Variants in MAP4K3 observed in about 807,000 individuals in gnomAD.
MAP4K3 encodes the protein MAPK/ERK kinase kinase kinase 3.
In MAP4K3, 94 loss-of-function variants were observed where a neutral mutation model predicts 143.5. That is an observed-to-expected ratio of 0.65 (90% CI 0.55 to 0.78). The LOEUF (loss-of-function observed/expected upper bound fraction) is 0.78. Among genes scored for constraint, MAP4K3 ranks in the 30% least tolerant of loss-of-function variants. MAP4K3 has a pLI of 0.00. For synonymous variants in MAP4K3, 416 were observed against 347.2 expected (o/e 1.20, Z -2.20); for missense variants, 1,077 against 1,068.1 (o/e 1.01, Z -0.12).
chr2:39,352,971 A>C (rs984453579), intron 3 of MAP4K3, among the ~76,000 whole-genome samples: 1 of 152,212 alleles, frequency 6.6e-6, no homozygotes, highest in African/African-American at 2.4e-5. Context: ...ATCAAGTTCA[A>C]ACAAGATCCT....
intron 3 of MAP4K3, among the ~76,000 whole-genome samples, chr2:39,346,510 C>T (rs1473586175): frequency 3.9e-5 from 6 of 152,136 alleles, no homozygotes; most frequent in East Asian, 1.9e-4. Flanking sequence ...TAAAATGCTT[C>T]GGCAAAGAAA....
chr2:39,379,053 G>T (rs370761428), intron 1 of MAP4K3, among the ~76,000 whole-genome samples: 59 of 152,004 alleles, frequency 3.9e-4, no homozygotes, highest in African/African-American at 1.3e-3. Flanking sequence ...AACAATACAT[G>T]CCATTCCCTG....
intron 1 of MAP4K3, among the ~76,000 whole-genome samples, chr2:39,389,868 G>C (rs182928744): frequency 4.2e-4 from 64 of 152,222 alleles, no homozygotes; most frequent in Middle Eastern, 3.4e-3. Flanking sequence ...AAACATTGAT[G>C]ACTGTAAAAA....
intron 1 of MAP4K3, among the ~76,000 whole-genome samples, chr2:39,413,906 T>C (rs1414554843): frequency 6.6e-6 from 1 of 152,178 alleles, no homozygotes; most frequent in Non-Finnish European, 1.5e-5. Flanking sequence ...ATTCCGAAAG[T>C]ACATTATTCC....
At chr2:39,309,744 G>C (rs1425882777) in intron 13 of MAP4K3, among the ~76,000 whole-genome samples, 1 of 151,456 alleles carries the variant, frequency 6.6e-6, no homozygotes, top group East Asian at 1.9e-4. Context: ...ATTTTTAGTA[G>C]AGACGGGGTT....
At chr2:39,255,006 A>G (rs921926260) in intron 31 of MAP4K3, among the ~76,000 whole-genome samples, 4 of 152,194 alleles carry the variant, frequency 2.6e-5, no homozygotes, top group African/African-American at 9.7e-5. Context: ...AAAAACAAAT[A>G]CAGCTGGCAT....
chr2:39,364,099 G>A lies in MAP4K3; in HGVS notation c.155-7760C>T, dbSNP rs541033237. On this transcript the variant is annotated intron_variant, in intron 2 of 33. Coordinates refer to ENST00000263881, the MANE Select transcript of MAP4K3 (RefSeq NM_003618.4). The stretch of plus-strand genomic sequence containing the variant: ...AATGGTGTAGCCACTATGGAAAACA[G>A]TACAGAAGTTCCTCTAAATATTAAA... Among the ~76,000 whole-genome samples the A allele has an allele frequency of 2.0e-5, 3 of 151,550 alleles. No individual in the cohort carries two copies. In the East Asian group the frequency reaches 5.8e-4, roughly 29 times the overall value.
chr2:39,262,270 T>C (rs764417644), intron 28 of MAP4K3, among the ~76,000 whole-genome samples: 1 of 152,224 alleles, frequency 6.6e-6, no homozygotes, highest in Non-Finnish European at 1.5e-5. Context: ...GGCTGGAATG[T>C]GAAGCTCTGT....
rs560363486 is a variant in MAP4K3 at position 39,282,488 on chromosome 2, A to G, written c.1629+25T>C. The G allele has an allele frequency of 3.8e-6, 6 of 1,593,290 alleles. No individual in the cohort carries two copies. In the South Asian group the frequency reaches 6.7e-5, roughly 18 times the overall value. On this transcript the variant is annotated intron_variant, in intron 22 of 33. Coordinates refer to ENST00000263881, the MANE Select transcript of MAP4K3 (RefSeq NM_003618.4). ...ACACAAGTGACTTAGCTTGAAACTTAGCCTACTCCATATTTAGTACTTACA... is the reference window on the plus strand; with the variant it reads ...ACACAAGTGACTTAGCTTGAAACTTGGCCTACTCCATATTTAGTACTTACA...
chr2:39,310,049 T>A (rs1472775610), intron 13 of MAP4K3, among the ~76,000 whole-genome samples: 3 of 152,204 alleles, frequency 2.0e-5, no homozygotes, highest in Non-Finnish European at 4.4e-5. Flanking sequence ...GTGTACAATG[T>A]GTAATGAACA....
At chr2:39,410,702 T>C (rs1177319711) in intron 1 of MAP4K3, among the ~76,000 whole-genome samples, 4 of 152,228 alleles carry the variant, frequency 2.6e-5, no homozygotes, top group Non-Finnish European at 4.4e-5. Flanking sequence ...GTACTTTTCA[T>C]AATATGAAGG....
intron 1 of MAP4K3, among the ~76,000 whole-genome samples, chr2:39,404,485 G>A (rs545006893): frequency 9.9e-4 from 150 of 151,790 alleles, no homozygotes; most frequent in Non-Finnish European, 1.8e-3. Flanking sequence ...AATGCGTGAG[G>A]CTCCTCTGCC....
At chr2:39,322,253 G>C (rs917727105) in intron 12 of MAP4K3, among the ~76,000 whole-genome samples, 6 of 152,078 alleles carry the variant, frequency 3.9e-5, no homozygotes, top group Non-Finnish European at 8.8e-5. Context: ...ACAAAAACAG[G>C]TAACATGCAG....
chr2:39,325,946 C>A lies in MAP4K3; in HGVS notation c.678G>T (p.Met226Ile). 2 of 1,593,768 alleles carry A rather than the reference C, an allele frequency of 1.3e-6. No homozygotes were observed. The highest frequency in any genetic ancestry group is 2.3e-5 in the South Asian group (2 of 88,880). Residue 226 changes from methionine (M) to isoleucine (I), a missense_variant, in exon 10 of 34, where the codon ATG (methionine) becomes ATT (isoleucine). Transcript: ENST00000263881. Reference protein sequence around the residue: ...DLHPMRALFLMTKSNFQPPKL... With the variant: ...DLHPMRALFLITKSNFQPPKL... The stretch of plus-strand genomic sequence containing the variant: ...TAGGAGGCTGAAAATTGCTTTTTGT[C>A]ATTAGAAATAATGCTCTGAAAAATC...
chr2:39,391,397 T>C (rs1257386604), intron 1 of MAP4K3, among the ~76,000 whole-genome samples: 1 of 98,776 alleles, frequency 1.0e-5, no homozygotes, highest in Non-Finnish European at 2.4e-5. Context: ...AAAGAAAGAA[T>C]ATATACTATA....
intron 33 of MAP4K3, among the ~76,000 whole-genome samples, chr2:39,251,391 G>C (rs1680151562): frequency 6.6e-6 from 1 of 152,146 alleles, no homozygotes; most frequent in Non-Finnish European, 1.5e-5. Context: ...GCTGCCTTCA[G>C]CCAAATCTTT....
chr2:39,357,639 A>G lies in MAP4K3; in HGVS notation c.155-1300T>C, dbSNP rs564470860. Among the ~76,000 whole-genome samples the G allele has an allele frequency of 1.8e-4, 27 of 152,374 alleles. No homozygotes were observed. In the South Asian group the frequency reaches 4.6e-3, roughly 26 times the overall value. The stretch of plus-strand genomic sequence containing the variant: ...CACAAAATCACAAATCTCCAAAGAC[A>G]TAATTTTTAGGCTTTCAAAAATTTG... On this transcript the variant is annotated intron_variant, in intron 2 of 33. Coordinates refer to ENST00000263881, the MANE Select transcript of MAP4K3 (RefSeq NM_003618.4).
chr2:39,333,711 G>T, intron 6 of MAP4K3, 137 bp from the exon 7 acceptor site: 2 of 491,352 alleles, frequency 4.1e-6, no homozygotes, highest in Middle Eastern at 1.1e-3. Context: ...TTAAAATGTC[G>T]TATCATTAGA....
rs117496450 is a variant in MAP4K3, at chr2:39,372,760, C to T, written c.154+5306G>A. ...AAGCAGAAGACTGAAACTAGACCCC[C>T]TTCCTCTTACCATATACAAAAATCA... is the stretch of plus-strand genomic sequence containing the variant. On this transcript the variant is annotated intron_variant, in intron 2 of 33. Transcript: ENST00000263881. Among the ~76,000 whole-genome samples, 432 of 152,172 alleles carry T rather than the reference C, an allele frequency of 2.8e-3. 15 individuals are homozygous for T. In the East Asian group the frequency reaches 0.066, roughly 23 times the overall value.
Sources: gnomAD v4.1 joint callset for allele counts (sites outside exome capture counted in the v4.1 genomes callset) on GRCh38, gnomAD v4.1.1 for gene constraint, MANE v1.5 for transcripts, NCBI Gene and HGNC (gene_info 2026-07-23, HGNC 2026-07-21) for gene names.